The following TMTC2 variants were observed in gnomAD, a reference collection of about 807,000 sequenced individuals.
The protein encoded by TMTC2 is transmembrane O-mannosyltransferase targeting cadherins 2.
Under a neutral mutation model 82.4 loss-of-function variants are expected in TMTC2, and 43 were observed. The ratio of observed to expected loss-of-function variants is 0.52; its 90% CI spans 0.41 to 0.67. The LOEUF (loss-of-function observed/expected upper bound fraction) is 0.67. Among genes scored for constraint, TMTC2 ranks in the 30% least tolerant of loss-of-function variants. The pLI is 0.00. For missense variants in TMTC2, 919 were observed against 1,012.4 expected (o/e 0.91, Z 1.25); for synonymous variants, 408 against 381.9 (o/e 1.07, Z -0.80).
chr12:83,033,868 G>A lies in TMTC2; in HGVS notation c.2152+2989G>A, dbSNP rs866231372. On this transcript the variant is annotated intron_variant, in intron 9 of 11. Transcript: ENST00000321196. ...TATGTGTATATATATATGTGTATGT[G>A]TATATATATATATGTGTGTGTATAT... Among the ~76,000 whole-genome samples the A allele has an allele frequency of 2.4e-3, 362 of 147,796 alleles. 4 individuals are homozygous for A. The highest frequency in any genetic ancestry group is 8.6e-3 in the African/African-American group (344 of 40,116).
At chr12:82,902,228 G>A (rs975236671) in intron 3 of TMTC2, among the ~76,000 whole-genome samples, 2 of 150,396 alleles carry the variant, frequency 1.3e-5, no homozygotes, top group East Asian at 1.9e-4. Context: ...TTGGGGTCCC[G>A]GGAAGGAAAA....
At chr12:82,805,744 A>G (rs923997425) in intron 1 of TMTC2, among the ~76,000 whole-genome samples, 1 of 151,828 alleles carries the variant, frequency 6.6e-6, no homozygotes, top group African/African-American at 2.4e-5. Flanking sequence ...TGACCTTGTG[A>G]TCTGCCCACC....
chr12:83,085,073 T>C (rs912360619), intron 11 of TMTC2, among the ~76,000 whole-genome samples: 48 of 152,332 alleles, frequency 3.2e-4, no homozygotes, highest in Non-Finnish European at 1.2e-4. Flanking sequence ...GTGATTTTTA[T>C]CTTTAATGGG....
chr12:82,999,622 AAG>A (rs78390130), intron 8 of TMTC2, among the ~76,000 whole-genome samples: 50 of 149,608 alleles, frequency 3.3e-4, no homozygotes, highest in East Asian at 1.8e-3. Context: ...TCAGCAGGCA[AAG>A]AGAGAGAGAG....
intron 1 of TMTC2, among the ~76,000 whole-genome samples, chr12:82,742,845 C>T (rs555696848): frequency 6.6e-6 from 1 of 152,188 alleles, no homozygotes; most frequent in East Asian, 1.9e-4. Flanking sequence ...ATTCTTCATT[C>T]CCTAGATCGA....
At chr12:82,706,467 G>A (rs567752325) in intron 1 of TMTC2, among the ~76,000 whole-genome samples, 30 of 152,128 alleles carry the variant, frequency 2.0e-4, no homozygotes, top group Non-Finnish European at 3.8e-4. Context: ...GTTGATAGGA[G>A]CCAGATCACC....
chr12:82,696,174 G>A (rs907525070), intron 1 of TMTC2, among the ~76,000 whole-genome samples: 1 of 152,204 alleles, frequency 6.6e-6, no homozygotes, highest in African/African-American at 2.4e-5. Context: ...GTTCTCAAAT[G>A]ATGAAGAAGC....
At chr12:82,703,926 C>T (rs920799459) in intron 1 of TMTC2, among the ~76,000 whole-genome samples, 9 of 152,242 alleles carry the variant, frequency 5.9e-5, no homozygotes, top group African/African-American at 1.9e-4. Flanking sequence ...GGTATTTAGC[C>T]TCTAGGATAT....
At chr12:83,080,796 T>A (rs1883439088) in intron 11 of TMTC2, among the ~76,000 whole-genome samples, 1 of 152,188 alleles carries the variant, frequency 6.6e-6, no homozygotes, top group Non-Finnish European at 1.5e-5. Context: ...AGTGGAGAAG[T>A]GCTGTTCTTC....
In TMTC2 at chr12:82,960,451, A is replaced by C. The variant is rs185421092; in HGVS notation, c.1599-4573A>C. Among the ~76,000 whole-genome samples, 135 of 152,286 alleles carry C rather than the reference A, an allele frequency of 8.9e-4. 1 individual carries two copies. The highest frequency in any genetic ancestry group is 1.2e-3 in the Non-Finnish European group (85 of 68,022). On this transcript the variant is annotated intron_variant, in intron 4 of 11. Coordinates refer to ENST00000321196, the MANE Select transcript of TMTC2 (RefSeq NM_152588.3). ...CAGGGAATACTACACAGCCATAAAA[A>C]GTATATAATTATGTATTTTGCTGTA... is the stretch of plus-strand genomic sequence containing the variant.
At chr12:82,799,067 T>A (rs1878869646) in intron 1 of TMTC2, among the ~76,000 whole-genome samples, 1 of 152,198 alleles carries the variant, frequency 6.6e-6, no homozygotes, top group Non-Finnish European at 1.5e-5. Flanking sequence ...ATCAGTCTGA[T>A]ATTCTTGCTA....
At chr12:82,876,130 ATGGTGGTGGTGGTGGTGG>A (rs575160141) in intron 2 of TMTC2, among the ~76,000 whole-genome samples, 7 of 111,358 alleles carry the variant, frequency 6.3e-5, no homozygotes, top group South Asian at 6.1e-4. Context: ...GGTATTAGTA[ATGGTGGTGGTGGTGGTGG>A]TGGTGGTAGT....
intron 8 of TMTC2, among the ~76,000 whole-genome samples, chr12:83,009,473 A>C (rs1880356488): frequency 6.6e-6 from 1 of 152,136 alleles, no homozygotes; most frequent in African/African-American, 2.4e-5. Context: ...GGTCTCCACT[A>C]TGATTCTCTA....
chr12:82,777,535 A>G (rs2137003680), intron 1 of TMTC2, among the ~76,000 whole-genome samples: 1 of 152,114 alleles, frequency 6.6e-6, no homozygotes, highest in African/African-American at 2.4e-5. Flanking sequence ...AAAATGTTCC[A>G]CTCTTTTATG....
At chr12:82,940,766 T>TTC (rs1555199516) in intron 4 of TMTC2, among the ~76,000 whole-genome samples, 5 of 151,600 alleles carry the variant, frequency 3.3e-5, no homozygotes, top group African/African-American at 1.2e-4. Context: ...TCCTTTTTTT[T>TTC]CTCAGCTTAA....
chr12:82,746,452 C>T (rs1369339043), intron 1 of TMTC2, among the ~76,000 whole-genome samples: 2 of 152,102 alleles, frequency 1.3e-5, no homozygotes, highest in African/African-American at 2.4e-5. Flanking sequence ...TTTCAGCACT[C>T]GTGTGTATAA....
intron 8 of TMTC2, among the ~76,000 whole-genome samples, chr12:83,019,589 A>G (rs371622115): frequency 9.2e-5 from 14 of 152,042 alleles, no homozygotes; most frequent in East Asian, 5.8e-4. Flanking sequence ...TAAGCTTATA[A>G]TCCTACCCAC....
intron 4 of TMTC2, among the ~76,000 whole-genome samples, chr12:82,937,770 A>ATATGTGTGTG (rs1565818344): frequency 4.5e-5 from 1 of 22,354 alleles, no homozygotes; most frequent in African/African-American, 1.4e-4. Flanking sequence ...ATATATATAT[A>ATATGTGTGTG]TATATATATA....
intron 4 of TMTC2, among the ~76,000 whole-genome samples, chr12:82,935,894 A>G (rs1876290220): frequency 6.6e-6 from 1 of 152,104 alleles, no homozygotes; most frequent in Non-Finnish European, 1.5e-5. Context: ...AAAATAAACT[A>G]AAAATTTAAG....
Sources: allele counts gnomAD v4.1 joint callset (sites outside exome capture counted in the v4.1 genomes callset), GRCh38; gene constraint gnomAD v4.1.1; transcripts MANE v1.5; gene names NCBI Gene and HGNC (gene_info 2026-07-23, HGNC 2026-07-21).